Variants in SLC25A25 observed in about 807,000 individuals in gnomAD.
SLC25A25 encodes the protein mitochondrial adenyl nucleotide antiporter SLC25A25.
Under a neutral mutation model 57.7 loss-of-function variants are expected in SLC25A25, and 32 were observed. That is an observed-to-expected ratio of 0.55 (90% CI 0.42 to 0.74). The LOEUF is 0.74. Among genes scored for constraint, SLC25A25 ranks in the 30% least tolerant of loss-of-function variants. The pLI, the probability that SLC25A25 is intolerant of heterozygous loss-of-function variation, is 0.00. For missense variants in SLC25A25, 556 were observed against 701.3 expected (o/e 0.79, Z 2.34); for synonymous variants, 306 against 291.2 (o/e 1.05, Z -0.52).
At chr9:128,082,823 G>T (rs994491003) in intron 1 of SLC25A25, among the ~76,000 whole-genome samples, 3 of 151,936 alleles carry the variant, frequency 2.0e-5, no homozygotes, top group Non-Finnish European at 4.4e-5. Context: ...AGTAGAGATG[G>T]GGTTTCACCA....
At position 128,099,513 on chromosome 9, in the gene SLC25A25, G is replaced by A. The variant is rs1833700942; in HGVS notation, c.262-1583G>A. 9.2e-6 allele frequency: 6 copies of A among 650,712 alleles called. No homozygotes were observed. The highest frequency in any genetic ancestry group is 6.4e-4 in the Middle Eastern group (1 of 1,556). 40.3% of individuals were successfully genotyped at this position (650,712 alleles called of 1,614,324 possible). A position where few individuals can be genotyped will look rare whatever the true frequency, so the allele number is the denominator to read the frequency against. On this transcript the variant is annotated intron_variant, in intron 1 of 10. Transcript: ENST00000373069. The surrounding 1 kb of genome is among the most constrained non-coding windows in gnomAD (Gnocchi z 6.8). ...CTGATGTTCGCCTCCTGCCTAAATG[G>A]CTTGTCCACTCTATTTCCATTCCTG... is the stretch of plus-strand genomic sequence containing the variant.
chr9:128,072,525 G>T (rs1832929593), intron 1 of SLC25A25, among the ~76,000 whole-genome samples: 1 of 152,210 alleles, frequency 6.6e-6, no homozygotes, highest in South Asian at 2.1e-4. Flanking sequence ...AACAGTCTGG[G>T]TCAAGTTTTC....
chr9:128,084,008 G>A (rs1168595687), intron 1 of SLC25A25, among the ~76,000 whole-genome samples: 3 of 151,988 alleles, frequency 2.0e-5, no homozygotes, highest in Non-Finnish European at 4.4e-5. Context: ...ATTTTATCAG[G>A]GTAATTTGGA....
intron 1 of SLC25A25, chr9:128,098,749 G>T (rs1159948699): frequency 6.2e-7 from 1 of 1,611,466 alleles, no homozygotes; most frequent in South Asian, 1.1e-5. Context: ...CCGCGCGGAA[G>T]GGAGAGGCGC....
At chr9:128,098,010 T>C (rs10819360) in intron 1 of SLC25A25, among the ~76,000 whole-genome samples, 21,148 of 152,204 alleles carry the variant, frequency 0.14, 1,621 homozygotes, top group South Asian at 0.23. Context: ...CACCTGGCTC[T>C]CGGCCACCCC....
intron 1 of SLC25A25, among the ~76,000 whole-genome samples, chr9:128,096,275 A>C (rs1833554589): frequency 6.6e-6 from 1 of 152,320 alleles, no homozygotes; most frequent in Admixed American, 6.5e-5. Context: ...TTGGGAGGCC[A>C]AGGCAGGCAG....
intron 1 of SLC25A25, among the ~76,000 whole-genome samples, chr9:128,082,769 C>T (rs1451497345): frequency 6.6e-6 from 1 of 152,162 alleles, no homozygotes; most frequent in Non-Finnish European, 1.5e-5. Context: ...CCTCAACCTC[C>T]CAAGTAGCTA....
intron 1 of SLC25A25, among the ~76,000 whole-genome samples, chr9:128,089,634 CTT>C (rs11307596): frequency 1.6e-3 from 200 of 126,246 alleles, no homozygotes; most frequent in Non-Finnish European, 1.7e-3. Flanking sequence ...TCCAGATTGT[CTT>C]TTTTTTTTTT....
intron 1 of SLC25A25, among the ~76,000 whole-genome samples, chr9:128,079,321 T>C (rs1833085358): frequency 6.7e-6 from 1 of 149,404 alleles, no homozygotes. Context: ...TTGGCTGGAG[T>C]CTAATGTGAC....
rs1229350805 is a variant in SLC25A25, at chr9:128,101,474, T to G, written c.476+78T>G. The G allele has an allele frequency of 5.3e-6, 8 of 1,505,802 alleles. No individual in the cohort carries two copies. The highest frequency in any genetic ancestry group is 2.7e-5 in the African/African-American group (2 of 72,832). The allele number at this position is 1,505,802 out of a possible 1,614,324, so 93.3% of individuals were successfully genotyped here. ...TCTGAGACTAACCCTCCGATGCCAT[T>G]CCCTGGGCTGACCCTGAACTTGGCC... On this transcript the variant is annotated intron_variant, in intron 3 of 10. Transcript: ENST00000373069. This position sits in a 1 kb window ranked among gnomAD's most constrained non-coding sequence, Gnocchi z 4.9.
At chr9:128,088,603 T>A (rs1833330353) in intron 1 of SLC25A25, among the ~76,000 whole-genome samples, 1 of 152,230 alleles carries the variant, frequency 6.6e-6, no homozygotes, top group Non-Finnish European at 1.5e-5. Context: ...TGGCTTCGTT[T>A]GTATACATTG....
intron 1 of SLC25A25, among the ~76,000 whole-genome samples, chr9:128,096,570 C>G (rs1477623033): frequency 6.6e-6 from 1 of 152,214 alleles, no homozygotes; most frequent in Non-Finnish European, 1.5e-5. Flanking sequence ...CCTGACAACT[C>G]TATTTGCAGA....
At chr9:128,104,982 A>G (rs1036215390) in intron 6 of SLC25A25, among the ~76,000 whole-genome samples, 21 of 150,568 alleles carry the variant, frequency 1.4e-4, no homozygotes, top group African/African-American at 5.1e-4. Context: ...CAGCCTCCCT[A>G]GTAGCTGGGA....
intron 1 of SLC25A25, among the ~76,000 whole-genome samples, chr9:128,083,676 ATTT>A (rs11367855): frequency 7.0e-6 from 1 of 143,190 alleles, no homozygotes; most frequent in Non-Finnish European, 1.5e-5. Context: ...CGCCCAGCGA[ATTT>A]TTTTTTTTTT....
intron 1 of SLC25A25, among the ~76,000 whole-genome samples, chr9:128,072,077 G>T (rs141722065): frequency 2.8e-4 from 42 of 152,298 alleles, no homozygotes; most frequent in African/African-American, 1.0e-3. Flanking sequence ...ACAGCTTTGA[G>T]ATCAGAAATA....
intron 1 of SLC25A25, among the ~76,000 whole-genome samples, chr9:128,070,084 ATTTTTTTTTTTTT>A (rs71381724): frequency 8.2e-3 from 52 of 6,366 alleles, no homozygotes; most frequent in Admixed American, 0.03. Flanking sequence ...CACCCAGCTA[ATTTTTTTTTTTTT>A]TTTTTTTTTT....
At chr9:128,104,772 C>A (rs1482007914) in intron 6 of SLC25A25, among the ~76,000 whole-genome samples, 1 of 152,040 alleles carries the variant, frequency 6.6e-6, no homozygotes, top group African/African-American at 2.4e-5. Context: ...AGTGGGCATT[C>A]ATTCTATTTT....
In SLC25A25 at chr9:128,087,467, TTC is replaced by T. The variant is rs201315261; in HGVS notation, c.262-13625_262-13624del. 6.6e-3 allele frequency among the ~76,000 whole-genome samples: 1,010 copies of T among 152,312 alleles called. 10 individuals carry two copies. The highest frequency in any genetic ancestry group is 0.022 in the African/African-American group (935 of 41,578). On this transcript the variant is annotated intron_variant, in intron 1 of 10. Transcript: ENST00000373069. ...TTATCTGTATGTAATGGGTCTTGTT[TTC>T]TCTGTCTGCTTTTAAGATTTCCTCT...
At chr9:128,106,115 G>A in intron 7 of SLC25A25, 35 bp from the exon 8 acceptor site, 1 of 1,613,084 alleles carries the variant, frequency 6.2e-7, no homozygotes, top group Non-Finnish European at 8.5e-7. Context: ...CCAACCTCTG[G>A]GTATATCAGG....
Sources: gnomAD v4.1 joint callset for allele counts (sites outside exome capture counted in the v4.1 genomes callset) on GRCh38, gnomAD v4.1.1 for gene constraint, Gnocchi (gnomAD v3.1) non-coding constraint, MANE v1.5 for transcripts, NCBI Gene and HGNC (gene_info 2026-07-23, HGNC 2026-07-21) for gene names.